The following CHSY3 variants were observed in gnomAD, a reference collection of about 807,000 sequenced individuals.
CHSY3 encodes the protein chondroitin sulfate synthase 3.
CHSY3 carries 35 observed loss-of-function variants against 67.2 expected under a neutral mutation model. The observed-to-expected ratio is 0.52, with a 90% confidence interval of 0.40 to 0.69. The LOEUF (loss-of-function observed/expected upper bound fraction) is 0.69. Among genes scored for constraint, CHSY3 ranks in the 30% least tolerant of loss-of-function variants. CHSY3 has a pLI of 0.00. For synonymous variants in CHSY3, 474 were observed against 434.7 expected, an observed-to-expected ratio of 1.09 and a Z score of -1.12; for missense variants, 1,069 against 1,138.5, an observed-to-expected ratio of 0.94 and a Z score of 0.88.
intron 2 of CHSY3, among the ~76,000 whole-genome samples, chr5:130,005,116 A>G (rs1478224679): frequency 6.6e-6 from 1 of 152,198 alleles, no homozygotes; most frequent in Non-Finnish European, 1.5e-5. Flanking sequence ...CATTTAGATA[A>G]GAAATCAGCT....
chr5:130,097,715 T>C (rs943595514), intron 2 of CHSY3, among the ~76,000 whole-genome samples: 1 of 152,146 alleles, frequency 6.6e-6, no homozygotes, highest in Non-Finnish European at 1.5e-5. Flanking sequence ...TAAGAAATAA[T>C]AGAGGAGGCA....
At chr5:130,062,957 T>C (rs1765761682) in intron 2 of CHSY3, among the ~76,000 whole-genome samples, 2 of 152,112 alleles carry the variant, frequency 1.3e-5, no homozygotes, top group African/African-American at 4.8e-5. Flanking sequence ...GAAATTTGCA[T>C]TTGGTGGATA....
At chr5:129,964,884 G>T (rs558354941) in intron 2 of CHSY3, among the ~76,000 whole-genome samples, 14 of 151,782 alleles carry the variant, frequency 9.2e-5, no homozygotes, top group African/African-American at 3.4e-4. Flanking sequence ...AACACAAAAG[G>T]TTCTTGATTT....
At chr5:130,029,571 G>C (rs1764649856) in intron 2 of CHSY3, among the ~76,000 whole-genome samples, 4 of 152,026 alleles carry the variant, frequency 2.6e-5, no homozygotes, top group Non-Finnish European at 4.4e-5. Context: ...TATTTATGCT[G>C]TTTAGACCTT....
intron 2 of CHSY3, among the ~76,000 whole-genome samples, chr5:130,117,660 TTTTTCTAAAATTTCTAAA>T (rs1450521985): frequency 3.1e-4 from 47 of 152,348 alleles, no homozygotes; most frequent in African/African-American, 1.0e-3. Flanking sequence ...AAGATGTTAA[TTTTTCTAAAATTTCTAAA>T]TTTTCTAAAA....
intron 2 of CHSY3, among the ~76,000 whole-genome samples, chr5:130,089,454 A>G (rs898845453): frequency 6.6e-6 from 1 of 152,268 alleles, no homozygotes; most frequent in Non-Finnish European, 1.5e-5. Flanking sequence ...ATTAAGCATC[A>G]AGTAACCAAA....
At chr5:130,017,019 G>T (rs1444808641) in intron 2 of CHSY3, among the ~76,000 whole-genome samples, 3 of 152,144 alleles carry the variant, frequency 2.0e-5, no homozygotes, top group African/African-American at 7.2e-5. Flanking sequence ...TGAGGAGACT[G>T]CTGTAAACAT....
intron 2 of CHSY3, among the ~76,000 whole-genome samples, chr5:130,076,955 G>A (rs376549319): frequency 2.7e-5 from 4 of 146,622 alleles, no homozygotes; most frequent in South Asian, 4.6e-4. Context: ...TGTGGGATGC[G>A]GGGAGGGGGG....
At position 130,086,068 on chromosome 5, in the gene CHSY3, G is replaced by GA. The variant is rs1386716109; in HGVS notation, c.1087-98154dup. On this transcript the variant is annotated intron_variant, in intron 2 of 2. Transcript: ENST00000305031. ...TTTGGAATAGGTGTGGTGTGGTGCTGAAAAAAATGTATATTCTGTTGATTT... is the reference window on the plus strand; with the variant it reads ...TTTGGAATAGGTGTGGTGTGGTGCTGAAAAAAAATGTATATTCTGTTGATTT... Among the ~76,000 whole-genome samples, 9 of 152,066 alleles carry GA rather than the reference G, an allele frequency of 5.9e-5. No individual in the cohort carries two copies. In the South Asian group the frequency reaches 8.3e-4, roughly 14 times the overall value.
chr5:129,954,909 C>T (rs1762127154), intron 2 of CHSY3, among the ~76,000 whole-genome samples: 4 of 152,222 alleles, frequency 2.6e-5, no homozygotes. Flanking sequence ...CGCTCTGCCA[C>T]CCAGGCTGCA....
At chr5:130,122,254 T>C (rs1291830104) in intron 2 of CHSY3, among the ~76,000 whole-genome samples, 3 of 152,206 alleles carry the variant, frequency 2.0e-5, no homozygotes, top group Non-Finnish European at 4.4e-5. Flanking sequence ...CCTATATTTG[T>C]TGTTTTCCTG....
At chr5:130,029,828 C>A (rs1449727398) in intron 2 of CHSY3, among the ~76,000 whole-genome samples, 1 of 152,084 alleles carries the variant, frequency 6.6e-6, no homozygotes. Flanking sequence ...ATTCTCCTAC[C>A]AACCCCCATC....
chr5:130,059,220 T>A (rs193270973), intron 2 of CHSY3, among the ~76,000 whole-genome samples: 1 of 152,292 alleles, frequency 6.6e-6, no homozygotes, highest in East Asian at 1.9e-4. Flanking sequence ...AAAAATCCTG[T>A]CTGAGTTTTC....
intron 2 of CHSY3, among the ~76,000 whole-genome samples, chr5:130,044,049 G>A (rs896155875): frequency 1.3e-5 from 2 of 151,940 alleles, no homozygotes; most frequent in African/African-American, 4.8e-5. Flanking sequence ...GATCAGAGTT[G>A]GAAATACATA....
At chr5:129,953,527 T>A (rs1458000382) in intron 2 of CHSY3, among the ~76,000 whole-genome samples, 1 of 152,208 alleles carries the variant, frequency 6.6e-6, no homozygotes, top group Non-Finnish European at 1.5e-5. Context: ...ATGGTATTGC[T>A]GGTTCTAGGT....
intron 1 of CHSY3, chr5:129,905,838 A>C (rs1267903710): frequency 6.5e-6 from 7 of 1,077,678 alleles, no homozygotes; most frequent in South Asian, 2.1e-5. Flanking sequence ...GACCCTCCTC[A>C]CACCTGCCTG....
At chr5:130,052,203 A>T in intron 2 of CHSY3, 1 of 152,256 alleles carries the variant, frequency 6.6e-6, no homozygotes, top group East Asian at 1.9e-4. Flanking sequence ...AATCTCTCTC[A>T]GGGGGAGAGA....
At chr5:129,958,694 C>T (rs1004519524) in intron 2 of CHSY3, among the ~76,000 whole-genome samples, 1 of 152,012 alleles carries the variant, frequency 6.6e-6, no homozygotes, top group African/African-American at 2.4e-5. Context: ...CCATGTCTGG[C>T]TATTTATTTA....
intron 2 of CHSY3, among the ~76,000 whole-genome samples, chr5:130,004,310 A>G (rs545568463): frequency 6.6e-6 from 1 of 152,306 alleles, no homozygotes; most frequent in South Asian, 2.1e-4. Context: ...AATAATGAAT[A>G]ATGCAATGTC....
Sources: gnomAD v4.1 joint callset for allele counts (sites outside exome capture counted in the v4.1 genomes callset) on GRCh38, gnomAD v4.1.1 for gene constraint, MANE v1.5 for transcripts, NCBI Gene and HGNC (gene_info 2026-07-23, HGNC 2026-07-21) for gene names.